SRGN: variants seen among roughly 807,000 people sequenced by gnomAD.
SRGN encodes serglycin, also known as hematopoetic proteoglycan core peptide.
SRGN carries 2 observed loss-of-function variants against 9.5 expected under a neutral mutation model. The ratio of observed to expected loss-of-function variants is 0.21; its 90% CI spans 0.09 to 0.66. SRGN has a LOEUF of 0.66. Ranked by LOEUF, SRGN falls within the 30% of genes least tolerant of loss-of-function variation. The probability of loss-of-function intolerance (pLI) is 0.83; values close to 1 mark genes in which losing one functional copy is unlikely to be tolerated. For synonymous variants in SRGN, 59 were observed against 72.3 expected (o/e 0.82, Z 0.93); for missense variants, 170 against 192.4 (o/e 0.88, Z 0.69).
intron 1 of SRGN, among the ~76,000 whole-genome samples, chr10:69,096,842 C>G (rs1214085890): frequency 6.6e-6 from 1 of 151,782 alleles, no homozygotes; most frequent in Admixed American, 6.6e-5. Context: ...AAAAACAAAA[C>G]AAAACTAGCT....
intron 1 of SRGN, among the ~76,000 whole-genome samples, chr10:69,095,958 C>G (rs532907423): frequency 8.6e-5 from 13 of 151,714 alleles, no homozygotes; most frequent in Admixed American, 2.0e-4. Flanking sequence ...CCTATATAAC[C>G]TCATAATATC....
chr10:69,087,839 C>A (rs1839968941), upstream of SRGN, among the ~76,000 whole-genome samples: 1 of 151,850 alleles, frequency 6.6e-6, no homozygotes, highest in African/African-American at 2.4e-5. Context: ...GTCCCAAATG[C>A]TGATTCTACT....
intron 1 of SRGN, among the ~76,000 whole-genome samples, chr10:69,090,703 C>A (rs1487066952): frequency 1.3e-5 from 2 of 152,136 alleles, no homozygotes; most frequent in Admixed American, 6.6e-5. Flanking sequence ...TGGGTTAGAA[C>A]TGGAACATAT....
chr10:69,088,296 A>C (rs568761569), intron 1 of SRGN, 60 bp downstream of exon 1: 9 of 1,371,526 alleles, frequency 6.6e-6, no homozygotes, highest in African/African-American at 5.7e-5. Context: ...GGTCCATGCA[A>C]GTCATTATAT....
intron 1 of SRGN, 40 bp from the exon 2 acceptor site, chr10:69,097,044 T>C (rs1278308521): frequency 2.5e-6 from 4 of 1,602,832 alleles, no homozygotes; most frequent in South Asian, 1.1e-5. Flanking sequence ...TTAGAAGCTG[T>C]GTAGTAGATA....
Position 69,088,227 on chromosome 10 carries a change from T to C in SRGN, c.70T>C (p.Ser24Pro). 1 of 1,614,142 alleles carries C rather than the reference T, an allele frequency of 6.2e-7. No individual in the cohort carries two copies. The highest frequency in any genetic ancestry group is 8.5e-7 in the Non-Finnish European group (1 of 1,179,980). Residue 24 changes from serine to proline, a missense_variant, in exon 1 of 3, where the codon TCA (serine) becomes CCA (proline). Ser to Pro is a moderately conservative substitution (Grantham distance 74). Transcript: ENST00000242465. ...TGCCCTCATCCTGGTTCTGGAATCC[T>C]CAGTTCAAGGTAAGACTCAGGAGTC... is the stretch of plus-strand genomic sequence containing the variant. ...ALALILVLES[S>P]VQGYPTRRAR...
At chr10:69,087,840 TG>T (rs1839969009), upstream of SRGN, among the ~76,000 whole-genome samples, 1 of 152,016 alleles carries the variant, frequency 6.6e-6, no homozygotes, top group Non-Finnish European at 1.5e-5. Context: ...TCCCAAATGC[TG>T]ATTCTACTGT....
Position 69,103,936 on chromosome 10 carries a change from T to TCGGCTC in SRGN, c.306_311dup (p.Ser110_Gly111dup), listed in dbSNP as rs756208261. 1.2e-4 allele frequency: 187 copies of TCGGCTC among 1,614,224 alleles called. 2 individuals are homozygous for TCGGCTC. The East Asian group carries it at 2.5e-3, about 22-fold the overall frequency. The stretch of plus-strand genomic sequence containing the variant: ...TCTGAGGACTACTCTGGATCAGGCT[T>TCGGCTC]CGGCTCCGGCTCCGGCTCTGGATCA... On this transcript the variant is annotated inframe_insertion, in exon 3 of 3. Coordinates refer to ENST00000242465, the MANE Select transcript of SRGN (RefSeq NM_002727.4).
chr10:69,092,891 C>T (rs1840095488), intron 1 of SRGN, among the ~76,000 whole-genome samples: 1 of 152,072 alleles, frequency 6.6e-6, no homozygotes, highest in South Asian at 2.1e-4. Context: ...TCATCATCCC[C>T]CAAAAGAAAG....
chr10:69,088,154 G>C lies in SRGN; in HGVS notation c.-4G>C, dbSNP rs762916844. 5.0e-6 allele frequency: 8 copies of C among 1,613,722 alleles called. No individual in the cohort carries two copies. The African/African-American group carries it at 9.3e-5, about 19-fold the overall frequency. ...GCAGCTGGGAGAGCTAGACTAAGTT[G>C]GTCATGATGCAGAAGCTACTCAAAT... On this transcript the variant is annotated 5_prime_UTR_variant, in exon 1 of 3. Coordinates refer to ENST00000242465, the MANE Select transcript of SRGN (RefSeq NM_002727.4).
At chr10:69,091,907 AAG>A (rs1204327152) in intron 1 of SRGN, among the ~76,000 whole-genome samples, 4,592 of 87,668 alleles carry the variant, frequency 0.052, 396 homozygotes, top group Non-Finnish European at 0.093. Context: ...AAAAAAAAAA[AAG>A]AAAAAGAAAA....
chr10:69,095,677 A>G (rs1414620413), intron 1 of SRGN, among the ~76,000 whole-genome samples: 4 of 152,212 alleles, frequency 2.6e-5, no homozygotes, highest in Admixed American at 2.6e-4. Flanking sequence ...TTCAGAGGCC[A>G]AGGTGGGTGG....
At chr10:69,097,431 T>TTTTC (rs1187682946) in intron 2 of SRGN, among the ~76,000 whole-genome samples, 200 bp downstream of exon 2, 1 of 137,890 alleles carries the variant, frequency 7.3e-6, no homozygotes, top group Non-Finnish European at 1.6e-5. Context: ...CAGCTAATTT[T>TTTTC]TTTTTTTTTT....
chr10:69,097,460 T>C (rs1840200370), intron 2 of SRGN, among the ~76,000 whole-genome samples: 1 of 133,646 alleles, frequency 7.5e-6, no homozygotes, highest in Admixed American at 7.9e-5. Flanking sequence ...GGAGTCTCAG[T>C]CTGTCGCTCA....
intron 1 of SRGN, 58 bp downstream of exon 1, chr10:69,088,294 C>A (rs919343678): frequency 7.2e-7 from 1 of 1,390,098 alleles, no homozygotes; most frequent in African/African-American, 1.4e-5. Context: ...GTGGTCCATG[C>A]AAGTCATTAT....
chr10:69,090,834 A>T (rs1413063544), intron 1 of SRGN, among the ~76,000 whole-genome samples: 1 of 152,192 alleles, frequency 6.6e-6, no homozygotes, highest in Admixed American at 6.5e-5. Context: ...GAGAGCACAG[A>T]TGACTAATCT....
chr10:69,089,942 G>T (rs1377857953), intron 1 of SRGN, among the ~76,000 whole-genome samples: 1 of 151,964 alleles, frequency 6.6e-6, no homozygotes, highest in African/African-American at 2.4e-5. Context: ...GAAAGAAAGA[G>T]AAGGAAAGAA....
chr10:69,104,085 G>A lies in SRGN; in HGVS notation c.442G>A (p.Gly148Ser). The A allele has an allele frequency of 1.2e-6, 2 of 1,614,082 alleles. No individual in the cohort carries two copies. The highest frequency in any genetic ancestry group is 1.7e-6 in the Non-Finnish European group (2 of 1,180,010). Residue 148 changes from glycine to serine, a missense_variant, in exon 3 of 3, where the codon GGT (glycine) becomes AGT (serine). Physicochemically the swap from Gly to Ser is moderately conservative, Grantham distance 56. Coordinates refer to ENST00000242465, the MANE Select transcript of SRGN (RefSeq NM_002727.4). ...TCTGCCCTCAGACAGCCAGGACTTG[G>A]GTCAACATGGATTAGAAGAGGATTT... Reference protein sequence around the residue: ...RNLPSDSQDLGQHGLEEDFML With the variant: ...RNLPSDSQDLSQHGLEEDFML
In SRGN at chr10:69,097,088, T is replaced by C. The variant is rs758796305; in HGVS notation, c.84T>C (p.Tyr28=). Reference sequence around the variant, plus strand: ...CAATGTGGGTTCCTCGGGCAGGTTATCCTACGCGGAGAGCCAGGTACCAAT... The same window carrying C: ...CAATGTGGGTTCCTCGGGCAGGTTACCCTACGCGGAGAGCCAGGTACCAAT... ...ILVLESSVQG[Y]PTRRARYQWV... Residue 28 remains tyrosine, a synonymous_variant, in exon 2 of 3, where the codon TAT becomes TAC. Transcript: ENST00000242465. The C allele has an allele frequency of 6.2e-7, 1 of 1,613,854 alleles. No individual in the cohort carries two copies. Among genetic ancestry groups the C allele is most frequent in the Non-Finnish European group, 8.5e-7 (1 of 1,179,884 alleles).
Sources: gnomAD v4.1 joint callset for allele counts (sites outside exome capture counted in the v4.1 genomes callset) on GRCh38, gnomAD v4.1.1 for gene constraint, MANE v1.5 for transcripts, NCBI Gene and HGNC (gene_info 2026-07-23, HGNC 2026-07-21) for gene names.